The following STARD8 variants were observed in gnomAD, a reference collection of about 807,000 sequenced individuals.
STARD8 encodes stAR-related lipid transfer protein 8.
Under a neutral mutation model 69.4 loss-of-function variants are expected in STARD8, and 25 were observed. The observed-to-expected ratio is 0.36, with a 90% CI of 0.26 to 0.50. The LOEUF is 0.50. Ranked by LOEUF, STARD8 falls within the 20% of genes least tolerant of loss-of-function variation. The pLI is 0.96. For missense variants in STARD8, 921 were observed against 932.5 expected, an observed-to-expected ratio of 0.99 and a Z score of 0.16; for synonymous variants, 389 against 374.6, an observed-to-expected ratio of 1.04 and a Z score of -0.45.
intron 2 of STARD8, among the ~76,000 whole-genome samples, chrX:68,667,994 A>G (rs911379751): frequency 9.0e-6 from 1 of 111,305 alleles, no homozygotes; most frequent in African/African-American, 3.3e-5. Context: ...GTGACAAAAA[A>G]GCCAAAATAC....
intron 2 of STARD8, among the ~76,000 whole-genome samples, chrX:68,708,653 C>T (rs746417111): frequency 8.9e-6 from 1 of 111,962 alleles, no homozygotes; most frequent in Non-Finnish European, 1.9e-5. Flanking sequence ...GCCCCTCCCC[C>T]AGGGGCTTAA....
intron 5 of STARD8, among the ~76,000 whole-genome samples, chrX:68,716,716 A>G (rs1019759914): frequency 3.8e-4 from 42 of 111,274 alleles, no homozygotes; most frequent in African/African-American, 1.3e-3. Flanking sequence ...CAGGAGGCCC[A>G]TGGGGCCTGG....
At chrX:68,703,435 A>G (rs1465968422) in intron 2 of STARD8, among the ~76,000 whole-genome samples, 1 of 112,356 alleles carries the variant, frequency 8.9e-6, no homozygotes, top group African/African-American at 3.2e-5. Context: ...CTGAGCATGC[A>G]CGTCATCACC....
At chrX:68,723,001 C>T (rs1423212313) in intron 12 of STARD8, among the ~76,000 whole-genome samples, 1 of 112,465 alleles carries the variant, frequency 8.9e-6, no homozygotes, top group Non-Finnish European at 1.9e-5. Flanking sequence ...ACTGCCCTGA[C>T]CCCAAGCATT....
chrX:68,649,547 G>A (rs1021272864), intron 1 of STARD8, among the ~76,000 whole-genome samples: 4 of 110,861 alleles, frequency 3.6e-5, no homozygotes, highest in African/African-American at 1.3e-4. Flanking sequence ...TCAACTCAAA[G>A]GACTATTCTT....
In STARD8 at chrX:68,712,827, G is replaced by A. The variant is rs866794615; in HGVS notation, c.80-87G>A. On this transcript the variant is annotated intron_variant, in intron 2 of 14. Coordinates refer to ENST00000374599, the MANE Select transcript of STARD8 (RefSeq NM_001142503.3). ...AGAATGAGACATGTCTGCCTGCTGGGGTTGGGCAGCATGCACCTAGGGCCC... is the reference window on the plus strand; with the variant it reads ...AGAATGAGACATGTCTGCCTGCTGGAGTTGGGCAGCATGCACCTAGGGCCC... The A allele has an allele frequency of 4.2e-5, 36 of 857,383 alleles. No homozygotes were observed. The Middle Eastern group carries it at 1.0e-3, about 24-fold the overall frequency. The allele number at this position is 857,383 out of a possible 1,213,427, so 70.7% of individuals were successfully genotyped here.
rs774544532 is a variant in STARD8 at position 68,718,591 on chromosome X, C to T, written c.1677C>T (p.Arg559=). 91 of 1,206,710 alleles carry T rather than the reference C, an allele frequency of 7.5e-5. No individual in the cohort carries two copies. The highest frequency in any genetic ancestry group is 4.2e-4 in the Admixed American group (19 of 45,580). Reference sequence around the variant, plus strand: ...AGGCATCAATGCCCCGTGAACGGCGCGATTCAGGTGTTGGGGCCTCACTTA... The same window carrying T: ...AGGCATCAATGCCCCGTGAACGGCGTGATTCAGGTGTTGGGGCCTCACTTA... ...GLQASMPRER[R]DSGVGASLTR... Residue 559 remains arginine (R), a synonymous_variant, in exon 6 of 15, where the codon CGC becomes CGT. Transcript: ENST00000374599.
intron 2 of STARD8, among the ~76,000 whole-genome samples, chrX:68,672,374 G>GTTGTGC (rs2147886308): frequency 8.9e-6 from 1 of 111,992 alleles, no homozygotes; most frequent in East Asian, 2.8e-4. Context: ...CAACAGCATA[G>GTTGTGC]AGCTAGTTGG....
In STARD8 at chrX:68,647,868, T is replaced by TC. The variant is rs1184564860; in HGVS notation, c.-11dup. The TC allele has an allele frequency of 8.4e-7, 1 of 1,194,448 alleles. No individual in the cohort carries two copies. Among genetic ancestry groups the TC allele is most frequent in the Non-Finnish European group, 1.1e-6 (1 of 887,454 alleles). ...GCACAGCCCCGCCGGCCCTAGAAGC[T>TC]CCCCACGCGCCACCATGCCTCTGCT... is the stretch of plus-strand genomic sequence containing the variant. On this transcript the variant is annotated 5_prime_UTR_variant, in exon 1 of 15. Transcript: ENST00000374599.
At chrX:68,672,657 A>G (rs774757883) in intron 2 of STARD8, among the ~76,000 whole-genome samples, 2 of 110,947 alleles carry the variant, frequency 1.8e-5, no homozygotes, top group Non-Finnish European at 3.8e-5. Flanking sequence ...ACAGCCTGAA[A>G]GTCATTCTCC....
At chrX:68,684,840 T>A (rs1300170443) in intron 2 of STARD8, among the ~76,000 whole-genome samples, 1 of 112,693 alleles carries the variant, frequency 8.9e-6, no homozygotes, top group Non-Finnish European at 1.9e-5. Flanking sequence ...CTGCCTTGGT[T>A]CTGAAACAAA....
rs766976478 is a variant in STARD8, at chrX:68,677,191, G to A, written c.79+11659G>A. Among the ~76,000 whole-genome samples, 4 of 111,296 alleles carry A rather than the reference G, an allele frequency of 3.6e-5. No individual in the cohort carries two copies. In the South Asian group the frequency reaches 1.5e-3, roughly 43 times the overall value. On this transcript the variant is annotated intron_variant, in intron 2 of 14. Coordinates refer to ENST00000374599, the MANE Select transcript of STARD8 (RefSeq NM_001142503.3). The stretch of plus-strand genomic sequence containing the variant: ...TTTTGAACAGAGCGTTGGCTCTGGA[G>A]TCTAAGCACTTAGATTTAAGTCTCA...
At chrX:68,653,510 A>T (rs1401197080) in intron 1 of STARD8, among the ~76,000 whole-genome samples, 6 of 50,388 alleles carry the variant, frequency 1.2e-4, no homozygotes, top group Non-Finnish European at 1.5e-4. Flanking sequence ...CACACCATAC[A>T]CACCACACAC....
chrX:68,721,896 T>G (rs758263203), intron 10 of STARD8, 150 bp downstream of exon 10: 1 of 785,259 alleles, frequency 1.3e-6, no homozygotes, highest in African/African-American at 2.1e-5. Flanking sequence ...GCTGGTGGGA[T>G]GCTGTGGAGC....
intron 2 of STARD8, among the ~76,000 whole-genome samples, chrX:68,690,584 AC>A (rs2079870180): frequency 8.9e-6 from 1 of 111,838 alleles, no homozygotes; most frequent in South Asian, 3.7e-4. Context: ...GCTCTATAGC[AC>A]CTTCAGTGTC....
chrX:68,648,749 C>T (rs1457809573), intron 1 of STARD8, among the ~76,000 whole-genome samples: 2 of 112,048 alleles, frequency 1.8e-5, no homozygotes, highest in African/African-American at 3.2e-5. Flanking sequence ...CTACTATATC[C>T]TGGCCATGGG....
intron 2 of STARD8, among the ~76,000 whole-genome samples, chrX:68,667,123 A>G (rs189138076): frequency 3.6e-4 from 40 of 112,135 alleles, no homozygotes; most frequent in Admixed American, 3.5e-3. Context: ...TCTTTCTGCT[A>G]TTTCTTAGGT....
chrX:68,722,215 G>A, intron 11 of STARD8, 54 bp downstream of exon 11: 11 of 1,072,257 alleles, frequency 1.0e-5, no homozygotes, highest in South Asian at 4.2e-5. Flanking sequence ...GAACCATCAG[G>A]CCTGACCTCG....
chrX:68,669,847 G>C (rs1221151205), intron 2 of STARD8, among the ~76,000 whole-genome samples: 2 of 112,303 alleles, frequency 1.8e-5, no homozygotes, highest in African/African-American at 6.5e-5. Flanking sequence ...TCACCTCCAA[G>C]GCTCACAAGG....
Sources: gnomAD v4.1 joint callset for allele counts (sites outside exome capture counted in the v4.1 genomes callset) on GRCh38, gnomAD v4.1.1 for gene constraint, MANE v1.5 for transcripts, NCBI Gene and HGNC (gene_info 2026-07-23, HGNC 2026-07-21) for gene names.